The following TLK2 variants were observed in gnomAD, a reference collection of about 807,000 sequenced individuals.
The protein encoded by TLK2 is tousled like kinase 2, also known as serine/threonine-protein kinase tousled-like 2.
A neutral mutation model predicts 117.3 loss-of-function variants in TLK2; 6 were observed. The ratio of observed to expected loss-of-function variants is 0.05; its 90% CI spans 0.03 to 0.10. TLK2 has a LOEUF of 0.10. TLK2 is among the 10% of genes least tolerant of loss of function. TLK2 has a pLI of 1.00. For missense variants in TLK2, 299 were observed against 901.2 expected (o/e 0.33, Z 8.56); for synonymous variants, 257 against 316.7 (o/e 0.81, Z 2.00).
At chr17:62,564,594 G>C (rs1409376904) in intron 10 of TLK2, among the ~76,000 whole-genome samples, 1 of 150,410 alleles carries the variant, frequency 6.6e-6, no homozygotes, top group Non-Finnish European at 1.5e-5. Flanking sequence ...TGTAGTCCCA[G>C]CTACTCAGGA....
At chr17:62,524,382 C>T (rs2076241294) in intron 6 of TLK2, 51 bp downstream of exon 6, 2 of 1,544,128 alleles carry the variant, frequency 1.3e-6, no homozygotes, top group African/African-American at 1.4e-5. Context: ...GACAAGATGC[C>T]CAGAAACACT....
intron 16 of TLK2, among the ~76,000 whole-genome samples, chr17:62,586,948 G>A (rs1309767818): frequency 2.0e-5 from 3 of 152,000 alleles, no homozygotes; most frequent in African/African-American, 7.3e-5. Flanking sequence ...GTGTGTCTTG[G>A]TGGCACCTGT....
At chr17:62,546,344 G>GTTTTTTTTTTTGTT (rs2077924040) in intron 7 of TLK2, among the ~76,000 whole-genome samples, 1 of 23,346 alleles carries the variant, frequency 4.3e-5, no homozygotes, top group Admixed American at 9.6e-4. Flanking sequence ...TTTGTTGATT[G>GTTTTTTTTTTTGTT]TTTTTTTTTT....
At position 62,537,203 on chromosome 17, in the gene TLK2, A is replaced by G. The variant is rs2077175778; in HGVS notation, c.531+866A>G. Among the ~76,000 whole-genome samples, 4 of 152,264 alleles carry G rather than the reference A, an allele frequency of 2.6e-5. No individual in the cohort carries two copies. The South Asian group carries it at 6.2e-4, about 24-fold the overall frequency. Reference sequence around the variant, plus strand: ...TGTGGTGTCTATAAGTCTCCAATCCACACTCCACCAACTGTGTTCAAAAAG... The same window carrying G: ...TGTGGTGTCTATAAGTCTCCAATCCGCACTCCACCAACTGTGTTCAAAAAG... On this transcript the variant is annotated intron_variant, in intron 7 of 21. Coordinates refer to ENST00000346027, the MANE Select transcript of TLK2 (RefSeq NM_006852.6).
chr17:62,608,935 C>G (rs566088488), intron 21 of TLK2, among the ~76,000 whole-genome samples: 1 of 152,192 alleles, frequency 6.6e-6, no homozygotes, highest in African/African-American at 2.4e-5. Context: ...ATCTGTAAAC[C>G]AAGATTCTAG....
In TLK2 at chr17:62,596,994, G is replaced by GT. The variant is rs534121686; in HGVS notation, c.1550+329dup. 2.0e-3 allele frequency among the ~76,000 whole-genome samples: 301 copies of GT among 151,008 alleles called. 1 individual carries two copies. Among genetic ancestry groups the GT allele is most frequent in the African/African-American group, 6.6e-3 (273 of 41,106 alleles). On this transcript the variant is annotated intron_variant, in intron 17 of 21. Transcript: ENST00000346027. ...TTTGATGTACCACCTGTTTATTTTTGTTTTTTTTTAAACATCTTAATTATA... is the reference window on the plus strand; with the variant it reads ...TTTGATGTACCACCTGTTTATTTTTGTTTTTTTTTTAAACATCTTAATTATA...
chr17:62,534,881 CTTT>C (rs386386398), intron 6 of TLK2, among the ~76,000 whole-genome samples: 12 of 73,006 alleles, frequency 1.6e-4, no homozygotes, highest in African/African-American at 2.3e-4. Context: ...TAATTCCAGT[CTTT>C]TTTTTTTTTT....
At chr17:62,573,130 A>T in intron 11 of TLK2, 85 bp from the exon 12 acceptor site, 2 of 1,433,134 alleles carry the variant, frequency 1.4e-6, no homozygotes, top group South Asian at 2.9e-5. Context: ...GAAATTGGAT[A>T]CACAAGTGAC....
intron 19 of TLK2, among the ~76,000 whole-genome samples, chr17:62,604,357 GT>G (rs906481384): frequency 6.6e-6 from 1 of 151,666 alleles, no homozygotes; most frequent in African/African-American, 2.4e-5. Flanking sequence ...GAGAATAATT[GT>G]TTTTTTGTAT....
chr17:62,603,993 T>TATTC (rs1444601148), intron 19 of TLK2, among the ~76,000 whole-genome samples: 1 of 149,206 alleles, frequency 6.7e-6, no homozygotes, highest in Non-Finnish European at 1.5e-5. Flanking sequence ...TTTATTTATT[T>TATTC]ATTTATTTAT....
intron 17 of TLK2, among the ~76,000 whole-genome samples, chr17:62,598,682 G>T (rs2082658258): frequency 6.6e-6 from 1 of 151,134 alleles, no homozygotes; most frequent in Admixed American, 6.6e-5. Context: ...ACGCCACCAT[G>T]CCTGGCTAAT....
intron 2 of TLK2, among the ~76,000 whole-genome samples, chr17:62,495,254 T>C (rs181120447): frequency 6.6e-6 from 1 of 152,066 alleles, no homozygotes; most frequent in Non-Finnish European, 1.5e-5. Context: ...CATTGCAGTC[T>C]AGCCCGCGCA....
chr17:62,537,004 G>T (rs1002659319), intron 7 of TLK2, among the ~76,000 whole-genome samples: 9 of 152,212 alleles, frequency 5.9e-5, no homozygotes, highest in African/African-American at 2.2e-4. Flanking sequence ...TTTGGGCCCT[G>T]CCAGGTCACC....
intron 17 of TLK2, among the ~76,000 whole-genome samples, chr17:62,599,937 G>A (rs181432903): frequency 1.3e-5 from 2 of 152,194 alleles, no homozygotes; most frequent in Non-Finnish European, 2.9e-5. Flanking sequence ...ATGGTTTTAT[G>A]TATGGGTCTG....
chr17:62,483,247 G>A (rs1288506692), intron 2 of TLK2, among the ~76,000 whole-genome samples: 1 of 141,306 alleles, frequency 7.1e-6, no homozygotes, highest in Non-Finnish European at 1.5e-5. Context: ...ACATAGTTAA[G>A]CTCACTGATC....
chr17:62,520,235 T>C (rs1242873086), intron 2 of TLK2, among the ~76,000 whole-genome samples: 1 of 152,096 alleles, frequency 6.6e-6, no homozygotes, highest in Non-Finnish European at 1.5e-5. Context: ...CAGTGTGTCA[T>C]GCCTATGAAA....
At chr17:62,596,746 C>A in intron 17 of TLK2, 72 bp downstream of exon 17, 1 of 1,345,482 alleles carries the variant, frequency 7.4e-7, no homozygotes, top group Non-Finnish European at 1.1e-6. Context: ...TGGAATAGAG[C>A]TGAACTCTGG....
At chr17:62,539,119 T>G (rs1198173263) in intron 7 of TLK2, among the ~76,000 whole-genome samples, 1 of 152,230 alleles carries the variant, frequency 6.6e-6, no homozygotes, top group Non-Finnish European at 1.5e-5. Context: ...GTTGAAGTCA[T>G]GTGGACAACT....
At chr17:62,594,831 C>CA (rs3220662) in intron 16 of TLK2, among the ~76,000 whole-genome samples, 6 of 146,106 alleles carry the variant, frequency 4.1e-5, no homozygotes, top group Non-Finnish European at 6.0e-5. Flanking sequence ...CACACACACA[C>CA]CCCATGTGGG....
Sources: allele counts gnomAD v4.1 joint callset (sites outside exome capture counted in the v4.1 genomes callset), GRCh38; gene constraint gnomAD v4.1.1; transcripts MANE v1.5; gene names NCBI Gene and HGNC (gene_info 2026-07-23, HGNC 2026-07-21).